The following DLGAP1 variants were observed in gnomAD, a reference collection of about 807,000 sequenced individuals.
DLGAP1 encodes DLG associated protein 1.
A neutral mutation model predicts 90.8 loss-of-function variants in DLGAP1; 11 were observed. That is an observed-to-expected ratio of 0.12 (90% CI 0.08 to 0.20). DLGAP1 has a LOEUF of 0.20. Ranked by LOEUF, DLGAP1 falls within the 10% of genes least tolerant of loss-of-function variation. DLGAP1 has a pLI of 1.00. For missense variants in DLGAP1, 1,050 were observed against 1,333.8 expected (o/e 0.79, Z 3.31); for synonymous variants, 558 against 540.7 (o/e 1.03, Z -0.44).
chr18:3,843,693 C>T (rs1003397110), intron 4 of DLGAP1, among the ~76,000 whole-genome samples: 4 of 152,156 alleles, frequency 2.6e-5, no homozygotes, highest in African/African-American at 9.7e-5. Flanking sequence ...CAATGCACCA[C>T]GTTTGAGCCT....
At chr18:3,881,706 G>C (rs930630542) in intron 3 of DLGAP1, among the ~76,000 whole-genome samples, 1 of 152,186 alleles carries the variant, frequency 6.6e-6, no homozygotes, top group Non-Finnish European at 1.5e-5. Flanking sequence ...GAGGTCAGGA[G>C]ATCGAGACCA....
intron 4 of DLGAP1, among the ~76,000 whole-genome samples, chr18:3,853,341 C>T (rs1475075709): frequency 1.3e-5 from 2 of 152,018 alleles, no homozygotes; most frequent in Non-Finnish European, 2.9e-5. Context: ...AGAACACGGT[C>T]ATGGGCCAAA....
chr18:4,088,995 A>T (rs1035018829), intron 2 of DLGAP1, among the ~76,000 whole-genome samples: 11 of 152,210 alleles, frequency 7.2e-5, no homozygotes, highest in Non-Finnish European at 1.3e-4. Flanking sequence ...TTAAATAGGA[A>T]GAGAAGAAGT....
chr18:4,114,570 C>T (rs543183727), intron 2 of DLGAP1, among the ~76,000 whole-genome samples: 1 of 152,086 alleles, frequency 6.6e-6, no homozygotes, highest in Non-Finnish European at 1.5e-5. Flanking sequence ...GATAGTTTGA[C>T]TTCTTCTTTT....
chr18:4,173,067 A>T (rs887947445), intron 1 of DLGAP1, among the ~76,000 whole-genome samples: 1 of 152,246 alleles, frequency 6.6e-6, no homozygotes, highest in African/African-American at 2.4e-5. Context: ...AGAAAGATTT[A>T]CTGGTTAGAA....
Position 3,729,240 on chromosome 18 carries a change from G to A in DLGAP1, c.1486C>T (p.Arg496Trp), listed in dbSNP as rs1204292888. Residue 496 changes from arginine to tryptophan, a missense_variant, in exon 7 of 13, where the codon CGG becomes TGG. By Grantham distance (101) the Arg-to-Trp change is moderately radical (BLOSUM62 -3). Around this residue, in one of 2 missense-constraint regions of DLGAP1, gnomAD observed 565 missense variants for 879.7 expected, o/e 0.64. Transcript: ENST00000315677. This position sits in a 1 kb window ranked among gnomAD's most constrained non-coding sequence, Gnocchi z 6.2. ...CFRMRSHSYV[R>W]AIEKGCSQDD... ...TGGGAGCAGCCTTTCTCAATGGCCC[G>A]CACATAGCTGTGGCTCCGCATGCGG... 4 of 1,613,868 alleles carry A rather than the reference G, an allele frequency of 2.5e-6. No homozygotes were observed. Among genetic ancestry groups the A allele is most frequent in the South Asian group, 2.2e-5 (2 of 91,040 alleles).
intron 8 of DLGAP1, chr18:3,580,090 T>G: frequency 1.2e-6 from 1 of 818,746 alleles, no homozygotes; most frequent in Non-Finnish European, 2.1e-6. Context: ...CTTTGAATTA[T>G]CCTGCAGCTT....
intron 2 of DLGAP1, among the ~76,000 whole-genome samples, chr18:4,020,382 A>G (rs546572883): frequency 6.6e-6 from 1 of 152,292 alleles, no homozygotes; most frequent in Non-Finnish European, 1.5e-5. Flanking sequence ...TATGCTTTTA[A>G]AATGTTAATT....
chr18:4,124,561 T>C (rs1319310047), intron 2 of DLGAP1, among the ~76,000 whole-genome samples: 1 of 152,216 alleles, frequency 6.6e-6, no homozygotes, highest in Non-Finnish European at 1.5e-5. Context: ...ACTGACACTA[T>C]CAGCTCAATT....
At chr18:3,781,351 ATT>A (rs34073983) in intron 5 of DLGAP1, among the ~76,000 whole-genome samples, 74 of 140,214 alleles carry the variant, frequency 5.3e-4, no homozygotes, top group South Asian at 9.1e-4. Flanking sequence ...GCAGCTTTCA[ATT>A]TTTTTTTTTT....
chr18:4,011,971 A>G (rs2074432255), intron 2 of DLGAP1, among the ~76,000 whole-genome samples: 1 of 152,198 alleles, frequency 6.6e-6, no homozygotes, highest in Non-Finnish European at 1.5e-5. Flanking sequence ...ATCCACATTT[A>G]TTTCTAATTG....
intron 7 of DLGAP1, chr18:3,708,208 T>C: frequency 2.9e-6 from 1 of 349,472 alleles, no homozygotes. Flanking sequence ...GATTTCACCA[T>C]GTTGGCCAGG....
chr18:3,932,257 ACATATAGCC>A (rs992764512), intron 3 of DLGAP1, among the ~76,000 whole-genome samples: 8 of 152,212 alleles, frequency 5.3e-5, no homozygotes, highest in African/African-American at 1.9e-4. Flanking sequence ...GTGAGTACAC[ACATATAGCC>A]CAGGCCAAAG....
intron 1 of DLGAP1, among the ~76,000 whole-genome samples, chr18:4,312,047 C>T (rs2080414071): frequency 6.6e-6 from 1 of 152,104 alleles, no homozygotes; most frequent in South Asian, 2.1e-4. Context: ...GACAGGATTT[C>T]ACCATGTTGG....
rs550937240 is a variant in DLGAP1 at position 4,193,485 on chromosome 18, TG to T, written c.-266-42199del. On this transcript the variant is annotated intron_variant, in intron 1 of 12. Transcript: ENST00000315677. ...TGAAACTGCCCAAAAACAACAGCTTTGGGGGAAAAAAACAGTCAAATGCTAG... is the reference window on the plus strand; with the variant it reads ...TGAAACTGCCCAAAAACAACAGCTTTGGGGAAAAAAACAGTCAAATGCTAG... Among the ~76,000 whole-genome samples the T allele has an allele frequency of 3.4e-3, 520 of 152,196 alleles. 4 individuals carry two copies. Among genetic ancestry groups the T allele is most frequent in the African/African-American group, 0.012 (491 of 41,538 alleles).
intron 1 of DLGAP1, among the ~76,000 whole-genome samples, chr18:4,299,996 A>G (rs1007315931): frequency 7.7e-5 from 11 of 142,812 alleles, no homozygotes; most frequent in African/African-American, 2.9e-4. Context: ...TATTTAGAAT[A>G]TCCAAAAAAA....
chr18:3,532,591 G>GA (rs912560757), intron 10 of DLGAP1, among the ~76,000 whole-genome samples: 3 of 143,502 alleles, frequency 2.1e-5, no homozygotes, highest in Non-Finnish European at 3.1e-5. Flanking sequence ...AAAAAAAAAA[G>GA]AAAAAAAAAG....
chr18:3,741,159 CCAT>C (rs1484635380), intron 6 of DLGAP1, among the ~76,000 whole-genome samples: 2 of 111,414 alleles, frequency 1.8e-5, no homozygotes, highest in Non-Finnish European at 3.7e-5. Flanking sequence ...ATCACCACCA[CCAT>C]CACCACCACA....
rs972338655 is a variant in DLGAP1 at position 4,454,977 on chromosome 18, C to T, written c.-267+29G>A. 3.3e-5 allele frequency: 5 copies of T among 150,822 alleles called. No homozygotes were observed. Among genetic ancestry groups the T allele is most frequent in the Admixed American group, 6.6e-5 (1 of 15,096 alleles). The allele number at this position is 150,822 out of a possible 1,614,324, so 9.3% of individuals were successfully genotyped here. ...CCGCGACCGCCGCCGCCGCGCACGCCCCAGCCCCGCGGCGCAGCCCGGCGT... is the reference window on the plus strand; with the variant it reads ...CCGCGACCGCCGCCGCCGCGCACGCTCCAGCCCCGCGGCGCAGCCCGGCGT... On this transcript the variant is annotated intron_variant, in intron 1 of 12. Coordinates refer to ENST00000315677, the MANE Select transcript of DLGAP1 (RefSeq NM_004746.4). This position sits in a 1 kb window ranked among gnomAD's most constrained non-coding sequence, Gnocchi z 4.7.
Sources: allele counts gnomAD v4.1 joint callset (sites outside exome capture counted in the v4.1 genomes callset), GRCh38; gene constraint gnomAD v4.1.1; regional missense constraint gnomAD v4.1.1; non-coding constraint Gnocchi (gnomAD v3.1); transcripts MANE v1.5; gene names NCBI Gene and HGNC (gene_info 2026-07-23, HGNC 2026-07-21).